Variants in FREM2 observed in about 807,000 individuals in gnomAD.
FREM2 encodes FRAS1 related extracellular matrix 2.
Under a neutral mutation model 219.9 loss-of-function variants are expected in FREM2, and 119 were observed. The observed-to-expected ratio is 0.54, with a 90% CI of 0.47 to 0.63. FREM2 has a LOEUF of 0.63. Ranked by LOEUF, FREM2 falls within the 30% of genes least tolerant of loss-of-function variation. The pLI, the probability that FREM2 is intolerant of heterozygous loss-of-function variation, is 0.00. For missense variants in FREM2, 4,030 were observed against 3,993.6 expected, an observed-to-expected ratio of 1.01 and a Z score of -0.25; for synonymous variants, 1,562 against 1,522.8, an observed-to-expected ratio of 1.03 and a Z score of -0.60.
chr13:38,827,250 A>G (rs1269547048), intron 6 of FREM2, among the ~76,000 whole-genome samples: 1 of 152,128 alleles, frequency 6.6e-6, no homozygotes, highest in Admixed American at 6.6e-5. Context: ...TGTAAACAGC[A>G]GATAAAAATA....
At chr13:38,743,779 G>A (rs1872346049) in intron 2 of FREM2, among the ~76,000 whole-genome samples, 1 of 152,012 alleles carries the variant, frequency 6.6e-6, no homozygotes, top group South Asian at 2.1e-4. Context: ...CTCTTTCTTT[G>A]TCATTTCTCC....
At chr13:38,749,980 T>G (rs1189280568) in intron 2 of FREM2, among the ~76,000 whole-genome samples, 4 of 152,176 alleles carry the variant, frequency 2.6e-5, no homozygotes, top group Non-Finnish European at 2.9e-5. Context: ...AGAAAAATTT[T>G]GTCACACTGA....
Position 38,692,245 on chromosome 13 carries a change from C to T in FREM2, c.4901C>T (p.Thr1634Met), listed in dbSNP as rs74781600. ...THTDFYVFPD[T>M]VFETRRPQVM... The stretch of plus-strand genomic sequence containing the variant: ...ACAGACTTCTATGTTTTTCCTGATA[C>T]GGTGTTTGAAACAAGGAGACCCCAA... The change falls in exon 1 of 24, where the codon ACG (threonine) becomes ATG (methionine). Residue 1634 changes from threonine (T) to methionine (M), a missense_variant. By Grantham distance (81) the Thr-to-Met change is moderately conservative (BLOSUM62 -1). Around this residue, in one of 2 missense-constraint regions of FREM2, gnomAD observed 3,102 missense variants for 2,950.7 expected, o/e 1.05. Coordinates refer to ENST00000280481, the MANE Select transcript of FREM2 (RefSeq NM_207361.6). 1.7e-3 allele frequency: 2,766 copies of T among 1,614,082 alleles called. 45 individuals carry two copies. In the African/African-American group the frequency reaches 0.03, roughly 17 times the overall value.
At chr13:38,873,029 C>A (rs546359102) in intron 17 of FREM2, 95 bp downstream of exon 17, 24 of 917,772 alleles carry the variant, frequency 2.6e-5, no homozygotes, top group Non-Finnish European at 3.7e-5. Context: ...GTAGTACTAG[C>A]AAATTTCAGT....
At chr13:38,846,181 T>G (rs1877146128) in intron 6 of FREM2, among the ~76,000 whole-genome samples, 1 of 151,576 alleles carries the variant, frequency 6.6e-6, no homozygotes, top group African/African-American at 2.4e-5. Context: ...AGTGGGAACT[T>G]GGTAAGAAAT....
At position 38,690,350 on chromosome 13, in the gene FREM2, G is replaced by A; in HGVS notation, c.3006G>A (p.Glu1002=). The change falls in exon 1 of 24, where the codon GAG becomes GAA. Residue 1002 remains glutamate, a synonymous_variant. Coordinates refer to ENST00000280481, the MANE Select transcript of FREM2 (RefSeq NM_207361.6). ...TCTTGGTCAATGGCATTCCAGCAGA[G>A]CAGTTTACTCAAAGGGACATCTTGG... is the stretch of plus-strand genomic sequence containing the variant. ...GEILVNGIPA[E]QFTQRDILEG... The A allele has an allele frequency of 6.2e-7, 1 of 1,614,226 alleles. No individual in the cohort carries two copies. The highest frequency in any genetic ancestry group is 1.1e-5 in the South Asian group (1 of 91,086).
intron 1 of FREM2, among the ~76,000 whole-genome samples, chr13:38,696,005 A>G (rs1172496594): frequency 6.6e-6 from 1 of 152,178 alleles, no homozygotes; most frequent in Non-Finnish European, 1.5e-5. Flanking sequence ...GTGGAAAGTT[A>G]TAGTAGAGTT....
chr13:38,801,453 CTA>C (rs1245027929), intron 6 of FREM2, among the ~76,000 whole-genome samples: 7 of 152,106 alleles, frequency 4.6e-5, no homozygotes, highest in Non-Finnish European at 8.8e-5. Flanking sequence ...TCTGGTGTAA[CTA>C]TTGCTTCTAA....
At chr13:38,814,411 G>A (rs1875674171) in intron 6 of FREM2, among the ~76,000 whole-genome samples, 1 of 152,204 alleles carries the variant, frequency 6.6e-6, no homozygotes, top group African/African-American at 2.4e-5. Context: ...GACTCATAGA[G>A]GTAGCACCTT....
intron 2 of FREM2, among the ~76,000 whole-genome samples, chr13:38,700,298 C>A (rs943204585): frequency 3.9e-5 from 6 of 152,032 alleles, no homozygotes; most frequent in Non-Finnish European, 8.8e-5. Flanking sequence ...TAGTGACTAT[C>A]CATTACTAAA....
At chr13:38,821,584 G>A (rs958205203) in intron 6 of FREM2, 2 of 151,554 alleles carry the variant, frequency 1.3e-5, no homozygotes, top group South Asian at 2.1e-4. Flanking sequence ...TCTTTTTTCT[G>A]TCTCTCTGAA....
At chr13:38,709,402 G>T (rs908748847) in intron 2 of FREM2, among the ~76,000 whole-genome samples, 4 of 152,006 alleles carry the variant, frequency 2.6e-5, no homozygotes, top group African/African-American at 9.7e-5. Flanking sequence ...AAATCATTAT[G>T]CCAATTGTAA....
intron 1 of FREM2, among the ~76,000 whole-genome samples, chr13:38,695,528 T>TA (rs1197991893): frequency 6.6e-6 from 1 of 152,200 alleles, no homozygotes; most frequent in African/African-American, 2.4e-5. Flanking sequence ...AAAACATTGA[T>TA]ACAGATGCTG....
intron 2 of FREM2, among the ~76,000 whole-genome samples, chr13:38,720,029 G>A (rs1871159501): frequency 6.6e-6 from 1 of 152,116 alleles, no homozygotes; most frequent in Non-Finnish European, 1.5e-5. Context: ...AACATATTAA[G>A]TACACAAGGA....
chr13:38,844,036 C>T (rs1877058026), intron 6 of FREM2, among the ~76,000 whole-genome samples: 1 of 152,032 alleles, frequency 6.6e-6, no homozygotes, highest in African/African-American at 2.4e-5. Context: ...AAATCATATA[C>T]ATAAATCTAC....
chr13:38,784,386 C>T (rs926794452), intron 5 of FREM2, among the ~76,000 whole-genome samples, 171 bp from the exon 6 acceptor site: 1 of 152,208 alleles, frequency 6.6e-6, no homozygotes, highest in African/African-American at 2.4e-5. Flanking sequence ...TTTGAGGTCA[C>T]TCTCAAGTTG....
At chr13:38,771,217 G>T (rs1374672786) in intron 4 of FREM2, among the ~76,000 whole-genome samples, 2 of 152,170 alleles carry the variant, frequency 1.3e-5, no homozygotes, top group Non-Finnish European at 2.9e-5. Flanking sequence ...TTAAAGAATA[G>T]TTAGCATTTA....
At chr13:38,785,106 G>T (rs1403566460) in intron 6 of FREM2, among the ~76,000 whole-genome samples, 1 of 152,194 alleles carries the variant, frequency 6.6e-6, no homozygotes, top group African/African-American at 2.4e-5. Flanking sequence ...GTGAAGAATT[G>T]AAATCTAATT....
intron 8 of FREM2, 101 bp from the exon 9 acceptor site, chr13:38,849,937 T>G (rs1877304745): frequency 2.1e-6 from 2 of 937,226 alleles, no homozygotes. Context: ...AATCCAGTTC[T>G]TCTCACTTAC....
Sources: gnomAD v4.1 joint callset for allele counts (sites outside exome capture counted in the v4.1 genomes callset) on GRCh38, gnomAD v4.1.1 for gene constraint, gnomAD v4.1.1 regional missense constraint, MANE v1.5 for transcripts, NCBI Gene and HGNC (gene_info 2026-07-23, HGNC 2026-07-21) for gene names.